The following SCFD2 variants were observed in gnomAD, a reference collection of about 807,000 sequenced individuals.
SCFD2 encodes the protein sec1 family domain-containing protein 2.
SCFD2 carries 54 observed loss-of-function variants against 58.9 expected under a neutral mutation model. The observed-to-expected ratio is 0.92, with a 90% CI of 0.74 to 1.15. The LOEUF (loss-of-function observed/expected upper bound fraction) is 1.15. Among genes scored for constraint, SCFD2 ranks in the 50% most tolerant of loss-of-function variants. The probability of loss-of-function intolerance (pLI) is 0.00; values close to 1 mark genes in which losing one functional copy is unlikely to be tolerated. For missense variants in SCFD2, 805 were observed against 836.6 expected (o/e 0.96, Z 0.47); for synonymous variants, 321 against 335.9 (o/e 0.96, Z 0.49).
At chr4:53,297,964 C>A (rs1344822850) in intron 3 of SCFD2, among the ~76,000 whole-genome samples, 1 of 151,266 alleles carries the variant, frequency 6.6e-6, no homozygotes, top group Non-Finnish European at 1.5e-5. Context: ...TTTTCGGGTG[C>A]TGGAGCCAAG....
At chr4:53,242,944 G>C (rs572269691) in intron 4 of SCFD2, among the ~76,000 whole-genome samples, 2 of 152,138 alleles carry the variant, frequency 1.3e-5, no homozygotes, top group South Asian at 4.2e-4. Context: ...CAAAAAGAAT[G>C]AAAAAACATA....
intron 7 of SCFD2, among the ~76,000 whole-genome samples, chr4:52,890,961 G>C (rs1473478413): frequency 6.6e-6 from 1 of 151,978 alleles, no homozygotes; most frequent in Non-Finnish European, 1.5e-5. Context: ...CTTTATTTGT[G>C]ACTCATTTGT....
At chr4:53,119,931 G>T (rs1401037782) in intron 5 of SCFD2, among the ~76,000 whole-genome samples, 3 of 152,126 alleles carry the variant, frequency 2.0e-5, no homozygotes, top group Non-Finnish European at 2.9e-5. Flanking sequence ...AGTAATTACT[G>T]CAGGAAGATA....
chr4:53,160,823 G>A (rs183341940), intron 4 of SCFD2, among the ~76,000 whole-genome samples: 3 of 152,260 alleles, frequency 2.0e-5, no homozygotes, highest in African/African-American at 7.2e-5. Flanking sequence ...TCCTATAAGG[G>A]GCACTAGTTG....
intron 2 of SCFD2, among the ~76,000 whole-genome samples, chr4:53,343,126 G>A (rs1390677427): frequency 2.6e-5 from 4 of 151,486 alleles, no homozygotes; most frequent in Non-Finnish European, 4.4e-5. Context: ...AACTGAAGGA[G>A]ACAGAGACAC....
intron 4 of SCFD2, among the ~76,000 whole-genome samples, chr4:53,238,458 C>A (rs1387070324): frequency 6.6e-6 from 1 of 150,870 alleles, no homozygotes; most frequent in Non-Finnish European, 1.5e-5. Flanking sequence ...GGGCTGACCC[C>A]CCCACCTCCC....
At chr4:52,953,493 G>C (rs1720646596) in intron 5 of SCFD2, among the ~76,000 whole-genome samples, 1 of 152,206 alleles carries the variant, frequency 6.6e-6, no homozygotes, top group African/African-American at 2.4e-5. Flanking sequence ...ACAAGCTCAG[G>C]GAGGTTAGAT....
intron 5 of SCFD2, among the ~76,000 whole-genome samples, chr4:52,973,330 A>G (rs1157984864): frequency 2.0e-5 from 3 of 152,222 alleles, no homozygotes; most frequent in Admixed American, 6.5e-5. Context: ...AAAATGATAA[A>G]GGGGATATCA....
intron 5 of SCFD2, among the ~76,000 whole-genome samples, chr4:53,101,880 G>C (rs1577728204): frequency 6.6e-6 from 1 of 151,778 alleles, no homozygotes. Context: ...TTTCTCCCCT[G>C]GGAAATAAAC....
At chr4:53,210,310 T>C (rs1452642113) in intron 4 of SCFD2, among the ~76,000 whole-genome samples, 2 of 152,030 alleles carry the variant, frequency 1.3e-5, no homozygotes, top group East Asian at 1.9e-4. Context: ...CTGGAAAGAT[T>C]TGTGTAGGCC....
intron 4 of SCFD2, among the ~76,000 whole-genome samples, chr4:53,215,438 G>T (rs1347925759): frequency 2.6e-5 from 4 of 151,912 alleles, no homozygotes; most frequent in Non-Finnish European, 5.9e-5. Context: ...GTTCACTCAT[G>T]ATTTGGCTGT....
At chr4:53,104,759 C>A (rs1724936231) in intron 5 of SCFD2, among the ~76,000 whole-genome samples, 1 of 152,186 alleles carries the variant, frequency 6.6e-6, no homozygotes, top group Non-Finnish European at 1.5e-5. Context: ...TTGTGCTAAT[C>A]ATTACTGCAG....
intron 5 of SCFD2, among the ~76,000 whole-genome samples, chr4:52,982,740 A>ATG (rs1430728194): frequency 6.6e-6 from 1 of 152,184 alleles, no homozygotes; most frequent in African/African-American, 2.4e-5. Flanking sequence ...TCTACCAGCT[A>ATG]TGTGCTCAGA....
At chr4:53,271,037 GTTTT>G (rs201441510) in intron 4 of SCFD2, among the ~76,000 whole-genome samples, 1 of 151,364 alleles carries the variant, frequency 6.6e-6, no homozygotes, top group Admixed American at 6.6e-5. Flanking sequence ...GATTCAGAAA[GTTTT>G]TTTTTCTTTT....
intron 4 of SCFD2, among the ~76,000 whole-genome samples, chr4:53,225,524 C>T (rs1278529164): frequency 6.6e-5 from 10 of 152,116 alleles, no homozygotes; most frequent in Non-Finnish European, 1.2e-4. Flanking sequence ...AAATACTTTT[C>T]CTATTTTGTT....
intron 5 of SCFD2, among the ~76,000 whole-genome samples, chr4:53,021,597 A>G (rs748070123): frequency 6.6e-6 from 1 of 152,108 alleles, no homozygotes; most frequent in Non-Finnish European, 1.5e-5. Flanking sequence ...GGTATGCATT[A>G]AGTTCTCCAG....
intron 4 of SCFD2, among the ~76,000 whole-genome samples, chr4:53,172,542 C>A (rs1727211361): frequency 6.6e-6 from 1 of 151,980 alleles, no homozygotes. Context: ...TATTGTTTGT[C>A]CACTTTCATT....
At chr4:53,152,413 G>C (rs1016340401) in intron 4 of SCFD2, among the ~76,000 whole-genome samples, 2 of 152,046 alleles carry the variant, frequency 1.3e-5, no homozygotes, top group Admixed American at 6.6e-5. Flanking sequence ...CAAGGATGTG[G>C]AGCCACTAAA....
intron 5 of SCFD2, among the ~76,000 whole-genome samples, chr4:53,101,740 G>A (rs770021975): frequency 1.1e-4 from 16 of 152,046 alleles, no homozygotes; most frequent in Non-Finnish European, 2.1e-4. Flanking sequence ...CACAAATGTA[G>A]ACTTGAACAA....
Sources: gnomAD v4.1 joint callset for allele counts (sites outside exome capture counted in the v4.1 genomes callset) on GRCh38, gnomAD v4.1.1 for gene constraint, MANE v1.5 for transcripts, NCBI Gene and HGNC (gene_info 2026-07-23, HGNC 2026-07-21) for gene names.